LRP1B: variants seen among roughly 807,000 people sequenced by gnomAD.
LRP1B encodes low-density lipoprotein receptor-related protein 1B.
In LRP1B, 217 loss-of-function variants were observed where a neutral mutation model predicts 556.6. That is an observed-to-expected ratio of 0.39 (90% CI 0.35 to 0.44). LRP1B has a LOEUF of 0.44. Among genes scored for constraint, LRP1B ranks in the 20% least tolerant of loss-of-function variants. The probability of loss-of-function intolerance (pLI) is 1.00; values close to 1 mark genes in which losing one functional copy is unlikely to be tolerated. For missense variants in LRP1B, 5,053 were observed against 5,620.8 expected (o/e 0.90, Z 3.23); for synonymous variants, 2,047 against 1,865.8 (o/e 1.10, Z -2.50).
At chr2:141,984,386 TA>T (rs11300715) in intron 1 of LRP1B, among the ~76,000 whole-genome samples, 132,138 of 152,020 alleles carry the variant, frequency 0.87, 57,485 homozygotes, top group East Asian at 0.91. Context: ...GGTATGTGTT[TA>T]AGAGTTTGAC....
chr2:141,648,065 T>C (rs2105374828), intron 2 of LRP1B, among the ~76,000 whole-genome samples: 1 of 152,220 alleles, frequency 6.6e-6, no homozygotes, highest in South Asian at 2.1e-4. Flanking sequence ...TTGGAAGATG[T>C]TATGGTGAGA....
chr2:140,493,239 C>T (rs1330366377), intron 56 of LRP1B, among the ~76,000 whole-genome samples: 1 of 152,014 alleles, frequency 6.6e-6, no homozygotes, highest in Non-Finnish European at 1.5e-5. Flanking sequence ...TTTACCTTTC[C>T]TCATGTGTCT....
rs149177426 is a variant in LRP1B at position 140,276,310 on chromosome 2, C to T, written c.12968-1712G>A. On this transcript the variant is annotated intron_variant, in intron 84 of 90. Transcript: ENST00000389484. ...TTATGGAAATTTATTTCAAGCATTC[C>T]CATGCTTGCTGTTGCACTGTGCCAG... Among the ~76,000 whole-genome samples the T allele has an allele frequency of 2.2e-4, 33 of 151,878 alleles. No homozygotes were observed. In the East Asian group the frequency reaches 5.3e-3, roughly 24 times the overall value.
In LRP1B at chr2:141,992,530, G is replaced by T. The variant is rs1015599596; in HGVS notation, c.82+138118C>A. ...TTACTCCGCATTTCTGTAATTTAGT[G>T]TCTCAACTTGTTACAGAAAAATACA... On this transcript the variant is annotated intron_variant, in intron 1 of 90. Coordinates refer to ENST00000389484, the MANE Select transcript of LRP1B (RefSeq NM_018557.3). Among the ~76,000 whole-genome samples the T allele has an allele frequency of 2.6e-5, 4 of 152,212 alleles. 1 individual carries two copies. Among genetic ancestry groups the T allele is most frequent in the Non-Finnish European group, 1.5e-5 (1 of 67,992 alleles).
intron 57 of LRP1B, among the ~76,000 whole-genome samples, chr2:140,488,744 T>C (rs1257538000): frequency 4.6e-5 from 7 of 152,160 alleles, no homozygotes; most frequent in South Asian, 2.1e-4. Context: ...CATGTTTTTA[T>C]ATCTGTGGAG....
chr2:141,371,302 A>T (rs1354590895), intron 3 of LRP1B, among the ~76,000 whole-genome samples: 2 of 152,174 alleles, frequency 1.3e-5, no homozygotes, highest in East Asian at 3.8e-4. Flanking sequence ...CTGAAGTCAG[A>T]CAATGTAATG....
chr2:141,051,028 G>T (rs185911809), intron 10 of LRP1B, among the ~76,000 whole-genome samples: 1 of 152,122 alleles, frequency 6.6e-6, no homozygotes, highest in Non-Finnish European at 1.5e-5. Flanking sequence ...ACGAATAAAA[G>T]CTCAACATCA....
intron 52 of LRP1B, among the ~76,000 whole-genome samples, chr2:140,507,935 A>G (rs1179238795): frequency 1.3e-5 from 2 of 152,144 alleles, no homozygotes; most frequent in Admixed American, 1.3e-4. Context: ...TATCTGATAC[A>G]TTTCTTATAA....
chr2:140,317,270 A>G (rs1203848931), intron 82 of LRP1B, among the ~76,000 whole-genome samples: 1 of 152,144 alleles, frequency 6.6e-6, no homozygotes, highest in Non-Finnish European at 1.5e-5. Context: ...TGGCAGCTTA[A>G]AAAAGCAGGG....
At chr2:140,771,581 G>A (rs897015918) in intron 33 of LRP1B, among the ~76,000 whole-genome samples, 5 of 151,950 alleles carry the variant, frequency 3.3e-5, no homozygotes, top group African/African-American at 1.2e-4. Context: ...TAATTAATTG[G>A]CATATTAATT....
At chr2:141,140,487 T>A (rs1701620347) in intron 7 of LRP1B, among the ~76,000 whole-genome samples, 1 of 152,114 alleles carries the variant, frequency 6.6e-6, no homozygotes, top group South Asian at 2.1e-4. Flanking sequence ...AGATAGGTCC[T>A]TTAATATAGA....
Position 141,063,806 on chromosome 2 carries a change from TTA to T in LRP1B, c.1014-1535_1014-1534del, listed in dbSNP as rs1277277238. Among the ~76,000 whole-genome samples the T allele has an allele frequency of 3.9e-5, 6 of 152,086 alleles. No homozygotes were observed. In the East Asian group the frequency reaches 1.2e-3, roughly 30 times the overall value. ...ACTTTTTCTCACAATGCCTCTTCTT[TTA>T]TATTTTTCTTTTCTCACTGGTTCAT... On this transcript the variant is annotated intron_variant, in intron 7 of 90. Coordinates refer to ENST00000389484, the MANE Select transcript of LRP1B (RefSeq NM_018557.3).
At chr2:141,249,820 T>G (rs1558959652) in intron 4 of LRP1B, among the ~76,000 whole-genome samples, 1 of 152,164 alleles carries the variant, frequency 6.6e-6, no homozygotes, top group East Asian at 1.9e-4. Context: ...GTACTGATGT[T>G]GATGTAATGT....
chr2:140,556,125 T>A (rs188672456), intron 43 of LRP1B, among the ~76,000 whole-genome samples: 6 of 152,152 alleles, frequency 3.9e-5, no homozygotes, highest in Non-Finnish European at 7.4e-5. Context: ...CAGGACACAT[T>A]ACCCCAAAAT....
chr2:140,313,314 C>T (rs638198), intron 83 of LRP1B, among the ~76,000 whole-genome samples: 82,334 of 151,506 alleles, frequency 0.54, 22,722 homozygotes, highest in African/African-American at 0.59. Context: ...AATCAGGATA[C>T]AATTGTGTGC....
At chr2:140,279,983 A>G (rs1445698099) in intron 84 of LRP1B, among the ~76,000 whole-genome samples, 2 of 151,880 alleles carry the variant, frequency 1.3e-5, no homozygotes, top group African/African-American at 4.8e-5. Flanking sequence ...TAAGAGGATC[A>G]ATTATTTGTA....
intron 77 of LRP1B, among the ~76,000 whole-genome samples, chr2:140,349,116 G>T (rs1283799975): frequency 6.6e-6 from 1 of 152,030 alleles, no homozygotes; most frequent in Non-Finnish European, 1.5e-5. Context: ...TTAACCTCCT[G>T]CTGTGCAGCC....
chr2:141,174,934 G>A (rs1680669840), intron 7 of LRP1B, among the ~76,000 whole-genome samples: 1 of 152,032 alleles, frequency 6.6e-6, no homozygotes, highest in African/African-American at 2.4e-5. Flanking sequence ...ATTGAGATTA[G>A]GAACTTACTG....
At chr2:140,632,532 A>T (rs1287054379) in intron 41 of LRP1B, among the ~76,000 whole-genome samples, 2 of 152,200 alleles carry the variant, frequency 1.3e-5, no homozygotes, top group African/African-American at 4.8e-5. Context: ...AAAGAGGAAA[A>T]AATGAAATTA....
Sources: gnomAD v4.1 joint callset for allele counts (sites outside exome capture counted in the v4.1 genomes callset) on GRCh38, gnomAD v4.1.1 for gene constraint, MANE v1.5 for transcripts, NCBI Gene and HGNC (gene_info 2026-07-23, HGNC 2026-07-21) for gene names.